Variants in ANO3 observed in about 807,000 individuals in gnomAD.
ANO3 encodes anoctamin 3, also known as anoctamin-3.
A neutral mutation model predicts 144.8 loss-of-function variants in ANO3; 99 were observed. The ratio of observed to expected loss-of-function variants is 0.68; its 90% confidence interval spans 0.58 to 0.81. The LOEUF (loss-of-function observed/expected upper bound fraction) is 0.81. Among genes scored for constraint, ANO3 ranks in the 30% least tolerant of loss-of-function variants. ANO3 has a pLI of 0.00. For missense variants in ANO3, 905 were observed against 1,202.2 expected (o/e 0.75, Z 3.66); for synonymous variants, 414 against 392.6 (o/e 1.05, Z -0.64).
rs1316149837 is a variant in ANO3, at chr11:26,438,211, G to T, written c.47-3707G>T. On this transcript the variant is annotated intron_variant, in intron 1 of 26. Transcript: ENST00000256737. ...ATTTACAATAGCCAAAAGAGAGCGGGAGCTAACCAATATGCAAAACTTATA... is the reference window on the plus strand; with the variant it reads ...ATTTACAATAGCCAAAAGAGAGCGGTAGCTAACCAATATGCAAAACTTATA... Among the ~76,000 whole-genome samples, 3 of 152,124 alleles carry T rather than the reference G, an allele frequency of 2.0e-5. No individual in the cohort carries two copies. The East Asian group carries it at 5.8e-4, about 29-fold the overall frequency.
intron 17 of ANO3, among the ~76,000 whole-genome samples, chr11:26,605,841 A>G (rs1288850696): frequency 2.0e-5 from 3 of 150,522 alleles, no homozygotes; most frequent in Admixed American, 6.6e-5. Flanking sequence ...CGTCTTTATT[A>G]GTCTGGCTAG....
At chr11:26,391,955 A>C (rs1257003136) in intron 1 of ANO3, among the ~76,000 whole-genome samples, 1 of 146,124 alleles carries the variant, frequency 6.8e-6, no homozygotes, top group Admixed American at 7.1e-5. Flanking sequence ...CATAAGTCAG[A>C]CATCTTTCTG....
chr11:26,618,186 T>C (rs1459807733), intron 17 of ANO3, among the ~76,000 whole-genome samples: 3 of 152,176 alleles, frequency 2.0e-5, no homozygotes, highest in African/African-American at 4.8e-5. Context: ...GATTATAAAA[T>C]ATAGGCATAG....
At chr11:26,574,336 C>G (rs1850932947) in intron 14 of ANO3, among the ~76,000 whole-genome samples, 1 of 152,166 alleles carries the variant, frequency 6.6e-6, no homozygotes, top group African/African-American at 2.4e-5. Context: ...GACCACACTT[C>G]AAACTAATTG....
At chr11:26,467,075 A>T (rs1396567981) in intron 4 of ANO3, among the ~76,000 whole-genome samples, 1 of 151,958 alleles carries the variant, frequency 6.6e-6, no homozygotes, top group Admixed American at 6.6e-5. Flanking sequence ...ACATTAAATC[A>T]AGGTAAAATT....
chr11:26,232,022 A>G (rs1424166681), intron 1 of ANO3, among the ~76,000 whole-genome samples: 1 of 152,208 alleles, frequency 6.6e-6, no homozygotes, highest in East Asian at 1.9e-4. Flanking sequence ...ATGTCAAAGT[A>G]AACCTGCTTT....
chr11:26,210,610 C>T (rs1208313027), intron 1 of ANO3, among the ~76,000 whole-genome samples: 2 of 152,094 alleles, frequency 1.3e-5, no homozygotes, highest in Non-Finnish European at 2.9e-5. Flanking sequence ...TCTTCCTATC[C>T]ATGAGCATGG....
intron 1 of ANO3, among the ~76,000 whole-genome samples, chr11:26,191,240 T>C (rs1169995893): frequency 6.6e-6 from 1 of 151,098 alleles, no homozygotes. Context: ...ATTGCGCCAT[T>C]GCACGCCAGC....
Position 26,557,887 on chromosome 11 carries a change from C to T in ANO3, c.1387-1832C>T, listed in dbSNP as rs569236286. ...TTCTTGTTGTCTCTATGATCTCCCACGTCATAATACATCCCATGTGTAATA... is the reference window on the plus strand; with the variant it reads ...TTCTTGTTGTCTCTATGATCTCCCATGTCATAATACATCCCATGTGTAATA... On this transcript the variant is annotated intron_variant, in intron 13 of 26. Transcript: ENST00000256737. Among the ~76,000 whole-genome samples, 5 of 152,304 alleles carry T rather than the reference C, an allele frequency of 3.3e-5. No individual in the cohort carries two copies. The South Asian group carries it at 6.2e-4, about 19-fold the overall frequency.
chr11:26,598,279 A>C (rs1851696180), intron 14 of ANO3, 86 bp from the exon 15 acceptor site: 3 of 590,270 alleles, frequency 5.1e-6, no homozygotes, highest in East Asian at 3.5e-5. Context: ...ATTTAATTTT[A>C]ATTATGAGAT....
chr11:26,360,085 A>G (rs891012478), intron 1 of ANO3, among the ~76,000 whole-genome samples: 6 of 151,866 alleles, frequency 4.0e-5, no homozygotes, highest in African/African-American at 1.5e-4. Flanking sequence ...TATGAATACA[A>G]AATCTTCTAG....
At chr11:26,204,705 G>A (rs891789573) in intron 1 of ANO3, among the ~76,000 whole-genome samples, 10 of 152,018 alleles carry the variant, frequency 6.6e-5, no homozygotes, top group Admixed American at 1.3e-4. Context: ...GGTGTATGGC[G>A]TATACAGCAG....
intron 1 of ANO3, among the ~76,000 whole-genome samples, chr11:26,431,713 T>C (rs953013295): frequency 7.9e-5 from 12 of 152,224 alleles, no homozygotes; most frequent in Admixed American, 3.3e-4. Flanking sequence ...TCCATGTTCC[T>C]GCAAAGGACA....
At chr11:26,403,945 C>A (rs1026630929) in intron 1 of ANO3, among the ~76,000 whole-genome samples, 1 of 151,824 alleles carries the variant, frequency 6.6e-6, no homozygotes, top group Non-Finnish European at 1.5e-5. Flanking sequence ...TCATCCTTCA[C>A]CTCCTCAGAA....
chr11:26,576,699 T>C (rs1252559621), intron 14 of ANO3, among the ~76,000 whole-genome samples: 1 of 152,184 alleles, frequency 6.6e-6, no homozygotes, highest in East Asian at 1.9e-4. Context: ...ATACTGTATA[T>C]CTTATTTATG....
chr11:26,434,850 C>T (rs774944849), intron 1 of ANO3, among the ~76,000 whole-genome samples: 10 of 151,772 alleles, frequency 6.6e-5, no homozygotes, highest in Non-Finnish European at 1.2e-4. Flanking sequence ...GTGGGGTGGT[C>T]GATTTTAAAG....
chr11:26,607,603 TGGGGTG>T, intron 17 of ANO3, among the ~76,000 whole-genome samples: 1 of 152,164 alleles, frequency 6.6e-6, no homozygotes, highest in Non-Finnish European at 1.5e-5. Context: ...ATATTGCCAG[TGGGGTG>T]TTAAGGCCTC....
chr11:26,568,809 C>G (rs1850702453), intron 14 of ANO3, among the ~76,000 whole-genome samples: 1 of 151,894 alleles, frequency 6.6e-6, no homozygotes, highest in African/African-American at 2.4e-5. Flanking sequence ...TTATGTGTAC[C>G]TTTTCAGAAA....
At chr11:26,561,199 G>A in intron 14 of ANO3, 3 of 1,610,942 alleles carry the variant, frequency 1.9e-6, no homozygotes, top group Non-Finnish European at 2.5e-6. Flanking sequence ...ACATCATAAG[G>A]TTCCGGTGCA....
Sources: allele counts gnomAD v4.1 joint callset (sites outside exome capture counted in the v4.1 genomes callset), GRCh38; gene constraint gnomAD v4.1.1; transcripts MANE v1.5; gene names NCBI Gene and HGNC (gene_info 2026-07-23, HGNC 2026-07-21).